FAM13A: variants seen among roughly 807,000 people sequenced by gnomAD.
FAM13A encodes family with sequence similarity 13 member A.
In FAM13A, 76 loss-of-function variants were observed where a neutral mutation model predicts 129.6. The ratio of observed to expected loss-of-function variants is 0.59; its 90% CI spans 0.49 to 0.71. The LOEUF is 0.71. FAM13A is among the 30% of genes least tolerant of loss of function. The pLI is 0.00. For synonymous variants in FAM13A, 443 were observed against 449.9 expected, an observed-to-expected ratio of 0.98 and a Z score of 0.20; for missense variants, 1,108 against 1,249.3, an observed-to-expected ratio of 0.89 and a Z score of 1.70.
intron 3 of FAM13A, among the ~76,000 whole-genome samples, chr4:89,019,780 A>AAG (rs1767000683): frequency 6.6e-6 from 1 of 151,186 alleles, no homozygotes; most frequent in Non-Finnish European, 1.5e-5. Context: ...AAAAAAAAAA[A>AAG]AGCAAGTTCT....
At chr4:88,797,477 T>G (rs1421543192) in intron 8 of FAM13A, among the ~76,000 whole-genome samples, 1 of 152,036 alleles carries the variant, frequency 6.6e-6, no homozygotes, top group Non-Finnish European at 1.5e-5. Flanking sequence ...GTTGCCCAGG[T>G]TGGTCTCAGA....
At chr4:88,972,595 C>T (rs969259145) in intron 4 of FAM13A, among the ~76,000 whole-genome samples, 1 of 151,912 alleles carries the variant, frequency 6.6e-6, no homozygotes, top group African/African-American at 2.4e-5. Flanking sequence ...GCCACTGCAC[C>T]CAGCCCCTCC....
At chr4:88,777,359 G>A (rs771183922) in intron 11 of FAM13A, among the ~76,000 whole-genome samples, 3 of 152,116 alleles carry the variant, frequency 2.0e-5, no homozygotes, top group Non-Finnish European at 4.4e-5. Flanking sequence ...TGAAGTGAGG[G>A]AAGTTGAAAC....
chr4:88,905,119 G>A (rs1281568955), intron 6 of FAM13A, among the ~76,000 whole-genome samples: 1 of 152,068 alleles, frequency 6.6e-6, no homozygotes, highest in Non-Finnish European at 1.5e-5. Flanking sequence ...CTATGTCAGA[G>A]GCTAGAAAAA....
chr4:88,976,706 T>TGTACAGTGTACAGGCTCTGTCCCAGGAC (rs375993263), intron 4 of FAM13A, among the ~76,000 whole-genome samples: 1 of 17,438 alleles, frequency 5.7e-5, no homozygotes, highest in Non-Finnish European at 1.2e-4. Flanking sequence ...CCTTAATATT[T>TGTACAGTGTACAGGCTCTGTCCCAGGAC]ACTCACCACT....
At chr4:88,746,036 T>C (rs369564602) in intron 19 of FAM13A, among the ~76,000 whole-genome samples, 20 of 152,270 alleles carry the variant, frequency 1.3e-4, no homozygotes, top group South Asian at 8.3e-4. Context: ...TAGAGTCTAG[T>C]GAATTATTCT....
intron 4 of FAM13A, among the ~76,000 whole-genome samples, chr4:88,982,267 C>A (rs1259341831): frequency 6.6e-6 from 1 of 152,234 alleles, no homozygotes; most frequent in African/African-American, 2.4e-5. Context: ...ACTATGACAA[C>A]TGAGGTTAAG....
At chr4:88,840,350 G>C (rs1287395037) in intron 7 of FAM13A, among the ~76,000 whole-genome samples, 1 of 152,198 alleles carries the variant, frequency 6.6e-6, no homozygotes, top group African/African-American at 2.4e-5. Context: ...CTTTATCAGA[G>C]ATTTGCTCCA....
chr4:88,867,907 C>T (rs529470475), intron 6 of FAM13A, among the ~76,000 whole-genome samples: 156 of 152,170 alleles, frequency 1.0e-3, no homozygotes, highest in Middle Eastern at 6.8e-3. Context: ...AAGGGCAACA[C>T]GCAATGGAAA....
chr4:89,030,991 A>T (rs939371761), intron 1 of FAM13A, among the ~76,000 whole-genome samples: 2 of 152,126 alleles, frequency 1.3e-5, no homozygotes, highest in African/African-American at 4.8e-5. Context: ...ATTTCAGCCA[A>T]TGTAAAGGTA....
intron 1 of FAM13A, among the ~76,000 whole-genome samples, chr4:89,045,965 A>C (rs865780679): frequency 2.0e-5 from 3 of 150,756 alleles, no homozygotes; most frequent in Non-Finnish European, 4.4e-5. Flanking sequence ...CGGAGGTTGC[A>C]GTGAGCCAAG....
At chr4:88,866,054 A>G (rs1740379269) in intron 6 of FAM13A, among the ~76,000 whole-genome samples, 1 of 149,346 alleles carries the variant, frequency 6.7e-6, no homozygotes, top group Non-Finnish European at 1.5e-5. Flanking sequence ...GTATATATAT[A>G]TACATTTTTT....
chr4:88,993,823 AC>A (rs1763215759), intron 3 of FAM13A, among the ~76,000 whole-genome samples: 1 of 151,902 alleles, frequency 6.6e-6, no homozygotes, highest in African/African-American at 2.4e-5. Context: ...ACAAGATGAA[AC>A]CCTGTCTCTA....
At chr4:88,960,167 G>A (rs1758380586) in intron 4 of FAM13A, among the ~76,000 whole-genome samples, 1 of 152,072 alleles carries the variant, frequency 6.6e-6, no homozygotes, top group African/African-American at 2.4e-5. Context: ...CTATACCAAG[G>A]CAAGAGTAAT....
At chr4:88,793,597 G>C (rs781122640) in intron 8 of FAM13A, among the ~76,000 whole-genome samples, 1 of 151,890 alleles carries the variant, frequency 6.6e-6, no homozygotes, top group African/African-American at 2.4e-5. Flanking sequence ...CAGTTGATTA[G>C]ACAAAATCAC....
chr4:88,811,928 A>C (rs183277663), intron 7 of FAM13A, among the ~76,000 whole-genome samples: 163 of 152,292 alleles, frequency 1.1e-3, no homozygotes, highest in Admixed American at 9.2e-3. Context: ...TTACTTAATA[A>C]GGGCTCTGCC....
intron 5 of FAM13A, among the ~76,000 whole-genome samples, chr4:88,917,791 A>C (rs879238334): frequency 2.6e-5 from 4 of 152,148 alleles, no homozygotes; most frequent in African/African-American, 7.2e-5. Context: ...TTGGAGGAAG[A>C]TGTATTTTTA....
chr4:89,029,415 C>A, intron 2 of FAM13A, 45 bp downstream of exon 2: 1 of 1,445,692 alleles, frequency 6.9e-7, no homozygotes, highest in Admixed American at 2.0e-5. Flanking sequence ...TTTGTTTATG[C>A]AAGGGACTGT....
At chr4:88,947,504 GGA>G (rs1336615337) in intron 4 of FAM13A, among the ~76,000 whole-genome samples, 1 of 152,128 alleles carries the variant, frequency 6.6e-6, no homozygotes, top group Non-Finnish European at 1.5e-5. Flanking sequence ...AGAAAAATCA[GGA>G]GAGAGAGATA....
Sources: gnomAD v4.1 joint callset for allele counts (sites outside exome capture counted in the v4.1 genomes callset) on GRCh38, gnomAD v4.1.1 for gene constraint, MANE v1.5 for transcripts, NCBI Gene and HGNC (gene_info 2026-07-23, HGNC 2026-07-21) for gene names.